MAST2: variants seen among roughly 807,000 people sequenced by gnomAD.
The protein encoded by MAST2 is microtubule associated serine/threonine kinase 2, also known as microtubule-associated serine/threonine-protein kinase 2.
MAST2 carries 70 observed loss-of-function variants against 147.4 expected under a neutral mutation model. That is an observed-to-expected ratio of 0.47 (90% CI 0.39 to 0.58). The LOEUF is 0.58. Ranked by LOEUF, MAST2 falls within the 20% of genes least tolerant of loss-of-function variation. MAST2 has a pLI of 0.00. For synonymous variants in MAST2, 869 were observed against 896.8 expected (o/e 0.97, Z 0.55); for missense variants, 2,080 against 2,302.3 (o/e 0.90, Z 1.98).
chr1:45,960,821 G>A (rs944011862), intron 5 of MAST2, among the ~76,000 whole-genome samples: 2 of 152,214 alleles, frequency 1.3e-5, no homozygotes, highest in African/African-American at 4.8e-5. Flanking sequence ...GTTGTCCTAA[G>A]CCTGGACCTT....
Position 46,023,104 on chromosome 1 carries a change from T to C in MAST2, c.1486-129T>C, listed in dbSNP as rs1268960539. 3 of 1,191,418 alleles carry C rather than the reference T, an allele frequency of 2.5e-6. No individual in the cohort carries two copies. The highest frequency in any genetic ancestry group is 3.7e-6 in the Non-Finnish European group (3 of 802,480). The allele number at this position is 1,191,418 out of a possible 1,614,324, so 73.8% of individuals were successfully genotyped here. ...GACAGCAAACACTGAGAAGTCATTC[T>C]ACTCCCAGAAGAATGAGCAGGAGAC... On this transcript the variant is annotated intron_variant, in intron 13 of 28. Coordinates refer to ENST00000361297, the MANE Select transcript of MAST2 (RefSeq NM_015112.3). This position sits in a 1 kb window ranked among gnomAD's most constrained non-coding sequence, Gnocchi z 4.9.
At chr1:45,826,299 C>T (rs1644790364) in intron 2 of MAST2, among the ~76,000 whole-genome samples, 1 of 152,016 alleles carries the variant, frequency 6.6e-6, no homozygotes, top group Admixed American at 6.6e-5. Flanking sequence ...TACTTTATGA[C>T]TTTTGGGGTG....
At position 45,865,829 on chromosome 1, in the gene MAST2, T is replaced by C. The variant is rs1417744203; in HGVS notation, c.469-16535T>C. 2.0e-5 allele frequency among the ~76,000 whole-genome samples: 3 copies of C among 152,334 alleles called. No individual in the cohort carries two copies. The East Asian group carries it at 5.8e-4, about 29-fold the overall frequency. Reference sequence around the variant, plus strand: ...ATTATTTTTTTCATGCTTTGTAGATTATCTCATCTTAGTCTTGTTAGCAAA... The same window carrying C: ...ATTATTTTTTTCATGCTTTGTAGATCATCTCATCTTAGTCTTGTTAGCAAA... On this transcript the variant is annotated intron_variant, in intron 3 of 28. Transcript: ENST00000361297.
At position 45,959,368 on chromosome 1, in the gene MAST2, A is replaced by G; in HGVS notation, c.501-18A>G. The G allele has an allele frequency of 1.2e-6, 2 of 1,607,142 alleles. No homozygotes were observed. The highest frequency in any genetic ancestry group is 1.7e-6 in the Non-Finnish European group (2 of 1,173,980). ...ATGGTGTGGCCCTATTATAATTCAT[A>G]TTTTGTTTTCATTGCAGTTGTCGGA... is the stretch of plus-strand genomic sequence containing the variant. On this transcript the variant is annotated intron_variant, in intron 4 of 28. Coordinates refer to ENST00000361297, the MANE Select transcript of MAST2 (RefSeq NM_015112.3).
At chr1:45,948,598 C>T (rs1478810695) in intron 4 of MAST2, among the ~76,000 whole-genome samples, 1 of 145,144 alleles carries the variant, frequency 6.9e-6, no homozygotes, top group African/African-American at 2.6e-5. Flanking sequence ...TCTCAGCTAC[C>T]TGGGAGGCTG....
intron 5 of MAST2, among the ~76,000 whole-genome samples, chr1:45,973,050 G>A (rs115315646): frequency 8.9e-4 from 136 of 152,132 alleles, no homozygotes; most frequent in Middle Eastern, 6.8e-3. Context: ...GTATCATTTA[G>A]TACCTATCAT....
chr1:45,860,201 TAC>T (rs777498021), intron 3 of MAST2, among the ~76,000 whole-genome samples: 60,862 of 143,726 alleles, frequency 0.42, 12,628 homozygotes, highest in East Asian at 0.59. Flanking sequence ...CTACTAAAAA[TAC>T]ACACACACAC....
At chr1:46,014,932 T>A (rs1213740258) in intron 10 of MAST2, among the ~76,000 whole-genome samples, 7 of 151,524 alleles carry the variant, frequency 4.6e-5, no homozygotes, top group African/African-American at 7.3e-5. Flanking sequence ...GAAGTAAAGC[T>A]CTCCTCAGCA....
At chr1:45,840,496 T>C (rs565376535) in intron 3 of MAST2, among the ~76,000 whole-genome samples, 14 of 152,328 alleles carry the variant, frequency 9.2e-5, no homozygotes, top group African/African-American at 2.9e-4. Flanking sequence ...TATGACCCTC[T>C]ACAAGTCACT....
intron 5 of MAST2, among the ~76,000 whole-genome samples, chr1:45,962,687 G>A (rs1185027877): frequency 6.6e-6 from 1 of 152,270 alleles, no homozygotes; most frequent in Non-Finnish European, 1.5e-5. Flanking sequence ...TGTCAGATGA[G>A]TAGATTGCAA....
At chr1:46,005,844 A>G (rs1361728819) in intron 7 of MAST2, among the ~76,000 whole-genome samples, 1 of 152,266 alleles carries the variant, frequency 6.6e-6, no homozygotes, top group African/African-American at 2.4e-5. Flanking sequence ...AAAAGGAAAC[A>G]TTGCTGAGCT....
In MAST2 at chr1:45,842,110, G is replaced by A. The variant is rs747617001; in HGVS notation, c.468+12529G>A. ...GGTGATCGTTGTATTCTTCTGTGTC[G>A]AACTCCCAGGCTCAAGTGATCCACC... On this transcript the variant is annotated intron_variant, in intron 3 of 28. Coordinates refer to ENST00000361297, the MANE Select transcript of MAST2 (RefSeq NM_015112.3). 3.3e-5 allele frequency among the ~76,000 whole-genome samples: 5 copies of A among 152,002 alleles called. No homozygotes were observed. In the South Asian group the frequency reaches 6.2e-4, roughly 19 times the overall value.
At chr1:45,899,298 C>CTTTCT (rs1323134611) in intron 4 of MAST2, among the ~76,000 whole-genome samples, 13 of 81,472 alleles carry the variant, frequency 1.6e-4, no homozygotes, top group African/African-American at 2.3e-4. Flanking sequence ...AATATTTTTC[C>CTTTCT]TTTCTTTTCT....
intron 2 of MAST2, among the ~76,000 whole-genome samples, chr1:45,828,083 G>A (rs1570262161): frequency 6.6e-6 from 1 of 151,784 alleles, no homozygotes; most frequent in Admixed American, 6.6e-5. Context: ...CTCCTGCTTC[G>A]GCCTCCCAAA....
chr1:45,914,980 G>A (rs1286273222), intron 4 of MAST2, among the ~76,000 whole-genome samples: 2 of 152,068 alleles, frequency 1.3e-5, no homozygotes, highest in South Asian at 2.1e-4. Flanking sequence ...TTACTTTATG[G>A]CCCAGGCGGG....
In MAST2 at chr1:46,023,823, G is replaced by T; in HGVS notation, c.1623G>T (p.Lys541Asn). The T allele has an allele frequency of 6.2e-7, 1 of 1,614,154 alleles. No individual in the cohort carries two copies. Among genetic ancestry groups the T allele is most frequent in the Non-Finnish European group, 8.5e-7 (1 of 1,180,032 alleles). The part of the protein sequence containing the change: ...HKSTRQRFAM[K>N]KINKQNLILR... ...CCACCCGGCAGCGCTTTGCCATGAA[G>T]AAGATCAACAAGCAGAACCTGATCC... Residue 541 changes from lysine to asparagine, a missense_variant, in exon 15 of 29, where the codon AAG becomes AAT. Lys to Asn is a moderately conservative substitution (Grantham distance 94, BLOSUM62 0). Coordinates refer to ENST00000361297, the MANE Select transcript of MAST2 (RefSeq NM_015112.3). The surrounding 1 kb of genome is among the most constrained non-coding windows in gnomAD (Gnocchi z 4.9).
intron 4 of MAST2, among the ~76,000 whole-genome samples, chr1:45,928,567 C>CTTTTTTTTTTTTTTTTTTTTTT (rs11374683): frequency 1.4e-5 from 2 of 143,726 alleles, no homozygotes. Context: ...ATCACTCTTT[C>CTTTTTTTTTTTTTTTTTTTTTT]TTTTTTTTTT....
chr1:45,893,756 G>A (rs572150753), intron 4 of MAST2, among the ~76,000 whole-genome samples: 26 of 152,214 alleles, frequency 1.7e-4, no homozygotes, highest in South Asian at 6.2e-4. Context: ...TATAGTAATA[G>A]CATTTTACCC....
At chr1:45,822,659 G>T (rs1055238765) in intron 1 of MAST2, among the ~76,000 whole-genome samples, 2 of 152,056 alleles carry the variant, frequency 1.3e-5, no homozygotes, top group South Asian at 4.1e-4. Context: ...TCTCCACATT[G>T]TCTTCATAGA....
Sources: gnomAD v4.1 joint callset for allele counts (sites outside exome capture counted in the v4.1 genomes callset) on GRCh38, gnomAD v4.1.1 for gene constraint, Gnocchi (gnomAD v3.1) non-coding constraint, MANE v1.5 for transcripts, NCBI Gene and HGNC (gene_info 2026-07-23, HGNC 2026-07-21) for gene names.